The following HYDIN variants were observed in gnomAD, a reference collection of about 807,000 sequenced individuals.
HYDIN encodes the protein HYDIN axonemal central pair apparatus protein.
In HYDIN, 132 loss-of-function variants were observed where a neutral mutation model predicts 403.9. The ratio of observed to expected loss-of-function variants is 0.33; its 90% CI spans 0.28 to 0.38. The LOEUF is 0.38. Ranked by LOEUF, HYDIN falls within the 10% of genes least tolerant of loss-of-function variation. The pLI is 1.00. For synonymous variants in HYDIN, 1,202 were observed against 1,891.7 expected, an observed-to-expected ratio of 0.64 and a Z score of 9.46; for missense variants, 2,827 against 5,009.5, an observed-to-expected ratio of 0.56 and a Z score of 13.15.
intron 18 of HYDIN, among the ~76,000 whole-genome samples, chr16:71,053,895 TATAC>T (rs1475788507): frequency 6.6e-6 from 1 of 152,304 alleles, no homozygotes; most frequent in Admixed American, 6.5e-5. Flanking sequence ...ATATGTTTCA[TATAC>T]ATAGTGTCTG....
In HYDIN at chr16:71,107,111, C is replaced by A. The variant is rs1359636837; in HGVS notation, c.1327+8585G>T. Among the ~76,000 whole-genome samples the A allele has an allele frequency of 4.3e-5, 6 of 138,662 alleles. No individual in the cohort carries two copies. In the East Asian group the frequency reaches 1.3e-3, roughly 29 times the overall value. The allele number at this position is 138,662 out of a possible 152,430, so 91.0% of individuals were successfully genotyped here. On this transcript the variant is annotated intron_variant, in intron 10 of 85. Coordinates refer to ENST00000393567, the MANE Select transcript of HYDIN (RefSeq NM_001270974.2). ...ATAGGTGGGAATTGAACAATGAGAA[C>A]ACATGGACACAGGAAGGAGAACATC...
At chr16:71,134,831 T>C (rs2084852663) in intron 8 of HYDIN, among the ~76,000 whole-genome samples, 1 of 152,170 alleles carries the variant, frequency 6.6e-6, no homozygotes, top group African/African-American at 2.4e-5. Context: ...GCTTGGGCTG[T>C]ATCGAGGAAC....
chr16:71,200,429 G>A (rs113457021), intron 1 of HYDIN, among the ~76,000 whole-genome samples: 2 of 152,300 alleles, frequency 1.3e-5, no homozygotes, highest in African/African-American at 4.8e-5. Context: ...AGTCTACTGA[G>A]AGCATGGCTT....
rs1261041308 is a variant in HYDIN at position 70,809,997 on chromosome 16, G to T, written c.14669C>A (p.Ser4890Ter). 6 of 1,614,136 alleles carry T rather than the reference G, an allele frequency of 3.7e-6. No individual in the cohort carries two copies. Among genetic ancestry groups the T allele is most frequent in the Non-Finnish European group, 5.1e-6 (6 of 1,179,986 alleles). Residue 4890 changes from serine to a stop codon, truncating the protein, a stop_gained, in exon 85 of 86, where the codon TCA (serine) becomes TAA (stop). Coordinates refer to ENST00000393567, the MANE Select transcript of HYDIN (RefSeq NM_001270974.2). LOFTEE classifies it high-confidence loss of function. ...VVPANSEGTF[S>*]FEFQPLKAGE... Reference sequence around the variant, plus strand: ...AGCTTTCAGGGGCTGAAATTCAAATGAGAACGTGCCCTGGAAGAGAAAACA... The same window carrying T: ...AGCTTTCAGGGGCTGAAATTCAAATTAGAACGTGCCCTGGAAGAGAAAACA...
chr16:71,039,906 C>CAA (rs2144190884), intron 18 of HYDIN, among the ~76,000 whole-genome samples: 1 of 152,342 alleles, frequency 6.6e-6, no homozygotes, highest in South Asian at 2.1e-4. Flanking sequence ...TGCGACAAGG[C>CAA]AAAGGGCCCA....
At chr16:70,810,552 C>T (rs540338400) in intron 84 of HYDIN, among the ~76,000 whole-genome samples, 154 of 152,294 alleles carry the variant, frequency 1.0e-3, no homozygotes, top group Middle Eastern at 3.4e-3. Flanking sequence ...TAGAGCGGGG[C>T]CTGGTGCGGT....
intron 21 of HYDIN, among the ~76,000 whole-genome samples, chr16:71,021,848 T>A (rs1027735533): frequency 3.3e-5 from 5 of 152,210 alleles, no homozygotes; most frequent in African/African-American, 1.2e-4. Context: ...TCCAGTTCTA[T>A]GCCTAGCACA....
intron 67 of HYDIN, among the ~76,000 whole-genome samples, chr16:70,864,151 T>A (rs1429415816): frequency 1.3e-5 from 2 of 151,414 alleles, no homozygotes; most frequent in Non-Finnish European, 2.9e-5. Context: ...GCCAACATAG[T>A]GAAACCCTGT....
At chr16:71,171,794 T>A (rs952794682) in intron 5 of HYDIN, among the ~76,000 whole-genome samples, 8 of 152,232 alleles carry the variant, frequency 5.3e-5, no homozygotes, top group African/African-American at 9.6e-5. Context: ...CCTTTTTACA[T>A]GCTCTTCTCA....
At chr16:70,811,930 A>G (rs1000218142) in intron 84 of HYDIN, among the ~76,000 whole-genome samples, 2 of 104,548 alleles carry the variant, frequency 1.9e-5, no homozygotes, top group African/African-American at 7.6e-5. Context: ...CCACTAGAGA[A>G]ATGTAATCAA....
In HYDIN at chr16:71,130,470, GTTTTTTTTTTTTT is replaced by G. The variant is rs56853905; in HGVS notation, c.1044-660_1044-648del. ...AAAGCTGGCAACTCCATATATACCG[GTTTTTTTTTTTTT>G]TTTTTTTTTTTTTTTGAGACGGAGT... On this transcript the variant is annotated intron_variant, in intron 8 of 85. Coordinates refer to ENST00000393567, the MANE Select transcript of HYDIN (RefSeq NM_001270974.2). Among the ~76,000 whole-genome samples, 256 of 75,822 alleles carry G rather than the reference GTTTTTTTTTTTTT, an allele frequency of 3.4e-3. 2 individuals carry two copies. The highest frequency in any genetic ancestry group is 5.1e-3 in the Non-Finnish European group (195 of 38,470). The allele number at this position is 75,822 out of a possible 152,430, so 49.7% of individuals were successfully genotyped here.
At chr16:70,964,433 G>A (rs1322151052) in intron 37 of HYDIN, among the ~76,000 whole-genome samples, 2 of 151,578 alleles carry the variant, frequency 1.3e-5, no homozygotes, top group Non-Finnish European at 2.9e-5. Flanking sequence ...TCATCTGTAC[G>A]TCCAAAGCCC....
chr16:70,813,960 GA>G (rs1361828572), intron 84 of HYDIN, among the ~76,000 whole-genome samples: 1 of 152,056 alleles, frequency 6.6e-6, no homozygotes, highest in Non-Finnish European at 1.5e-5. Flanking sequence ...AGCTAGAACA[GA>G]CCCATGCATA....
intron 55 of HYDIN, chr16:70,894,107 C>T (rs1396308125): frequency 1.0e-5 from 2 of 198,350 alleles, no homozygotes; most frequent in East Asian, 2.7e-4. Flanking sequence ...TCCCCTAAGT[C>T]TCTTCCTCCA....
chr16:71,003,453 T>TA (rs2079787811), intron 23 of HYDIN, among the ~76,000 whole-genome samples: 1 of 135,878 alleles, frequency 7.4e-6, no homozygotes, highest in East Asian at 2.0e-4. Context: ...TTCTAAGTAC[T>TA]TTTTTTTTTT....
In HYDIN at chr16:71,224,213, C is replaced by T. The variant is rs553310655; in HGVS notation, c.-24+6349G>A. ...CAGGAGTGAAAAACCAAATACCATA[C>T]GTTCTCCCTTATAAGTGGGAGCTAA... is the stretch of plus-strand genomic sequence containing the variant. On this transcript the variant is annotated intron_variant, in intron 1 of 85. Transcript: ENST00000393567. Among the ~76,000 whole-genome samples the T allele has an allele frequency of 8.5e-5, 13 of 152,268 alleles. No homozygotes were observed. The South Asian group carries it at 1.0e-3, about 12-fold the overall frequency.
At chr16:71,179,096 T>C in intron 3 of HYDIN, 49 bp from the exon 4 acceptor site, 2 of 1,507,704 alleles carry the variant, frequency 1.3e-6, no homozygotes, top group Non-Finnish European at 1.8e-6. Flanking sequence ...TTGACAAAAA[T>C]GACTGGGGAA....
In HYDIN at chr16:71,035,847, C is replaced by A. The variant is rs192707071; in HGVS notation, c.2530-3930G>T. On this transcript the variant is annotated intron_variant, in intron 18 of 85. Coordinates refer to ENST00000393567, the MANE Select transcript of HYDIN (RefSeq NM_001270974.2). ...TTTCTAAGATATCCATATTGACATC[C>A]AGCTGGCCAGTAAGAGAAGAAAGAG... Among the ~76,000 whole-genome samples, 682 of 152,138 alleles carry A rather than the reference C, an allele frequency of 4.5e-3. 1 individual carries two copies. The highest frequency in any genetic ancestry group is 7.7e-3 in the Non-Finnish European group (522 of 67,994).
intron 11 of HYDIN, among the ~76,000 whole-genome samples, chr16:71,089,126 T>G (rs548945305): frequency 3.7e-4 from 55 of 149,468 alleles, no homozygotes; most frequent in African/African-American, 1.3e-3. Flanking sequence ...AGCAACTGTT[T>G]TACTATAGAA....
Sources: gnomAD v4.1 joint callset for allele counts (sites outside exome capture counted in the v4.1 genomes callset) on GRCh38, gnomAD v4.1.1 for gene constraint, MANE v1.5 for transcripts, NCBI Gene and HGNC (gene_info 2026-07-23, HGNC 2026-07-21) for gene names.